ICA1: variants seen among roughly 807,000 people sequenced by gnomAD.
ICA1 encodes the protein 69 kDa islet cell autoantigen.
Under a neutral mutation model 71.0 loss-of-function variants are expected in ICA1, and 40 were observed. That is an observed-to-expected ratio of 0.56 (90% CI 0.44 to 0.73). ICA1 has a LOEUF of 0.73. Ranked by LOEUF, ICA1 falls within the 30% of genes least tolerant of loss-of-function variation. ICA1 has a pLI of 0.00. For synonymous variants in ICA1, 207 were observed against 209.5 expected, an observed-to-expected ratio of 0.99 and a Z score of 0.10; for missense variants, 578 against 576.5, an observed-to-expected ratio of 1.00 and a Z score of -0.03.
intron 5 of ICA1, among the ~76,000 whole-genome samples, chr7:8,219,163 A>G (rs1010026094): frequency 6.6e-6 from 1 of 152,234 alleles, no homozygotes; most frequent in Admixed American, 6.5e-5. Flanking sequence ...AATGTTGGCT[A>G]TAACATATGC....
chr7:8,152,787 A>ACCT (rs1380236582), intron 8 of ICA1, among the ~76,000 whole-genome samples: 18 of 83,678 alleles, frequency 2.2e-4, no homozygotes, highest in Non-Finnish European at 3.6e-4. Context: ...TATCACCATC[A>ACCT]CCATCACCTC....
Position 8,132,637 on chromosome 7 carries a change from C to T in ICA1, c.1061-4495G>A, listed in dbSNP as rs1390887598. The stretch of plus-strand genomic sequence containing the variant: ...CTATCTCCTGGGAGTCCCCATGAGG[C>T]GGCTCTCTCGGATGACCTCCCATCT... On this transcript the variant is annotated intron_variant, in intron 12 of 13. Transcript: ENST00000402384. The surrounding 1 kb of genome is among the most constrained non-coding windows in gnomAD (Gnocchi z 4.5). 2.0e-5 allele frequency among the ~76,000 whole-genome samples: 3 copies of T among 152,184 alleles called. No individual in the cohort carries two copies. The highest frequency in any genetic ancestry group is 4.8e-5 in the African/African-American group (2 of 41,442).
intron 3 of ICA1, among the ~76,000 whole-genome samples, chr7:8,229,691 T>C (rs1352259604): frequency 6.6e-6 from 1 of 152,256 alleles, no homozygotes; most frequent in East Asian, 1.9e-4. Context: ...AACAGATGCA[T>C]GCATATATAC....
At chr7:8,241,512 T>A (rs1206312078) in intron 1 of ICA1, among the ~76,000 whole-genome samples, 2 of 151,506 alleles carry the variant, frequency 1.3e-5, no homozygotes, top group African/African-American at 4.9e-5. Context: ...CATCAACTAA[T>A]AGGCAAAATA....
chr7:8,232,794 A>G, intron 2 of ICA1, 39 bp from the exon 3 acceptor site: 1 of 1,477,158 alleles, frequency 6.8e-7, no homozygotes, highest in Non-Finnish European at 9.1e-7. Flanking sequence ...CACACCTTTC[A>G]TAAAGATTAA....
At chr7:8,214,660 TTAA>T (rs1481159116) in intron 6 of ICA1, among the ~76,000 whole-genome samples, 1 of 152,206 alleles carries the variant, frequency 6.6e-6, no homozygotes, top group Non-Finnish European at 1.5e-5. Context: ...ACACAGACAC[TTAA>T]TAAATGCTCT....
rs1175029592 is a variant in ICA1 at position 8,221,490 on chromosome 7, C to G, written c.257-92G>C. 4.9e-6 allele frequency: 7 copies of G among 1,419,338 alleles called. No homozygotes were observed. In the Admixed American group the frequency reaches 7.2e-5, roughly 15 times the overall value. 87.9% of individuals were successfully genotyped at this position (1,419,338 alleles called of 1,614,324 possible). A position where few individuals can be genotyped will look rare whatever the true frequency, so the allele number is the denominator to read the frequency against. ...GACAAATCACAAGGTCCTCTCTCTT[C>G]CAGAGGCGAAGACGAGATGAAATTA... On this transcript the variant is annotated intron_variant, in intron 4 of 13. Coordinates refer to ENST00000402384, the MANE Select transcript of ICA1 (RefSeq NM_001136020.3).
intron 5 of ICA1, 68 bp from the exon 6 acceptor site, chr7:8,218,571 G>C (rs1796094415): frequency 2.3e-6 from 3 of 1,278,554 alleles, no homozygotes; most frequent in South Asian, 1.2e-5. Context: ...TTGACATTCT[G>C]CCAATCTTAG....
intron 5 of ICA1, 61 bp downstream of exon 5, chr7:8,221,214 T>G (rs1012445354): frequency 3.1e-6 from 5 of 1,601,216 alleles, no homozygotes; most frequent in Non-Finnish European, 4.3e-6. Flanking sequence ...CTTTCGTGAG[T>G]AGGTGGGTCC....
At chr7:8,231,197 G>A (rs1800174648) in intron 3 of ICA1, among the ~76,000 whole-genome samples, 1 of 152,126 alleles carries the variant, frequency 6.6e-6, no homozygotes, top group African/African-American at 2.4e-5. Flanking sequence ...GTGGAAGCCA[G>A]CAAATGCTCT....
rs756318330 is a variant in ICA1, at chr7:8,221,337, T to A, written c.318A>T (p.Lys106Asn). The stretch of plus-strand genomic sequence containing the variant: ...CTTGCATCATCTTTCCTGCTCTGGT[T>A]TTATCTTGGAAACCTTGGGATCGAA... Reference protein sequence around the residue: ...KFLRSQGFQDKTRAGKMMQAT... With the variant: ...KFLRSQGFQDNTRAGKMMQAT... Residue 106 changes from lysine (K) to asparagine (N), a missense_variant, in exon 5 of 14, where the codon AAA (lysine) becomes AAT (asparagine). Physicochemically the swap from Lys to Asn is moderately conservative, Grantham distance 94. Transcript: ENST00000402384. The A allele has an allele frequency of 6.2e-5, 100 of 1,613,636 alleles. 2 individuals are homozygous for A. In the South Asian group the frequency reaches 1.1e-3, roughly 17 times the overall value.
Position 8,226,419 on chromosome 7 carries a change from CCTTT to C in ICA1, c.256+2178_256+2181del. The stretch of plus-strand genomic sequence containing the variant: ...TAATACACACACTCTCCATATATTA[CCTTT>C]TTTTACATTTATATTTTATATCACC... On this transcript the variant is annotated intron_variant, in intron 4 of 13. Coordinates refer to ENST00000402384, the MANE Select transcript of ICA1 (RefSeq NM_001136020.3). This position sits in a 1 kb window ranked among gnomAD's most constrained non-coding sequence, Gnocchi z 4.4. 6.6e-6 allele frequency among the ~76,000 whole-genome samples: 1 copy of C among 152,228 alleles called. No homozygotes were observed. The highest frequency in any genetic ancestry group is 2.1e-4 in the South Asian group (1 of 4,816).
rs1293616833 is a variant in ICA1 at position 8,113,727 on chromosome 7, CAT to C, written c.*194_*195del. 19 of 562,334 alleles carry C rather than the reference CAT, an allele frequency of 3.4e-5. No individual in the cohort carries two copies. Among genetic ancestry groups the C allele is most frequent in the African/African-American group, 2.3e-4 (12 of 53,004 alleles). The allele number at this position is 562,334 out of a possible 1,614,324, so 34.8% of individuals were successfully genotyped here. A position where few individuals can be genotyped will look rare whatever the true frequency, so the allele number is the denominator to read the frequency against. ...GACAATCCTGTATTATTTAGATCCA[CAT>C]AGAGATACACGAAAACCCTTTATAC... On this transcript the variant is annotated 3_prime_UTR_variant, in exon 14 of 14. Coordinates refer to ENST00000402384, the MANE Select transcript of ICA1 (RefSeq NM_001136020.3). This position sits in a 1 kb window ranked among gnomAD's most constrained non-coding sequence, Gnocchi z 4.2.
intron 6 of ICA1, among the ~76,000 whole-genome samples, chr7:8,159,818 C>T (rs1403105370): frequency 6.6e-6 from 1 of 152,116 alleles, no homozygotes; most frequent in Non-Finnish European, 1.5e-5. Flanking sequence ...CTAGAGAAAA[C>T]CAGCCAATTT....
chr7:8,204,340 C>T (rs74611659), intron 6 of ICA1, among the ~76,000 whole-genome samples: 240 of 152,334 alleles, frequency 1.6e-3, no homozygotes, highest in African/African-American at 5.6e-3. Context: ...CTAGTTCACA[C>T]GTATGGCTAT....
At chr7:8,141,233 A>T (rs1401645033) in intron 10 of ICA1, among the ~76,000 whole-genome samples, 1 of 152,078 alleles carries the variant, frequency 6.6e-6, no homozygotes. Context: ...CAACGCTCTG[A>T]CCCCTTCTCC....
chr7:8,171,504 T>C (rs1460675452), intron 6 of ICA1, among the ~76,000 whole-genome samples: 2 of 151,948 alleles, frequency 1.3e-5, no homozygotes, highest in East Asian at 1.9e-4. Flanking sequence ...TAAGTATTAA[T>C]GATTTATGTC....
chr7:8,244,396 C>T (rs1310656752), intron 1 of ICA1, among the ~76,000 whole-genome samples: 6 of 152,122 alleles, frequency 3.9e-5, no homozygotes, highest in Admixed American at 6.5e-5. Context: ...ACACTTTATA[C>T]AAAAATTAAT....
intron 6 of ICA1, 33 bp from the exon 7 acceptor site, chr7:8,158,685 C>G (rs942573276): frequency 6.2e-7 from 1 of 1,611,216 alleles, no homozygotes; most frequent in Non-Finnish European, 8.5e-7. Context: ...CTGAATCACC[C>G]TAACCCTTAA....
Sources: allele counts gnomAD v4.1 joint callset (sites outside exome capture counted in the v4.1 genomes callset), GRCh38; gene constraint gnomAD v4.1.1; non-coding constraint Gnocchi (gnomAD v3.1); transcripts MANE v1.5; gene names NCBI Gene and HGNC (gene_info 2026-07-23, HGNC 2026-07-21).